PCTP: variants seen among roughly 807,000 people sequenced by gnomAD.
The protein encoded by PCTP is START domain-containing protein 2.
PCTP carries 27 observed loss-of-function variants against 31.0 expected under a neutral mutation model. That is an observed-to-expected ratio of 0.87 (90% CI 0.64 to 1.20). The LOEUF (loss-of-function observed/expected upper bound fraction) is 1.20, where lower values mean the gene tolerates loss of function less well. Among genes scored for constraint, PCTP ranks in the 50% most tolerant of loss-of-function variants. The probability of loss-of-function intolerance (pLI) is 0.00; values close to 1 mark genes in which losing one functional copy is unlikely to be tolerated. For synonymous variants in PCTP, 108 were observed against 101.2 expected (o/e 1.07, Z -0.40); for missense variants, 287 against 268.2 (o/e 1.07, Z -0.49).
intron 1 of PCTP, among the ~76,000 whole-genome samples, chr17:55,759,870 T>A (rs1910246499): frequency 6.6e-6 from 1 of 152,224 alleles, no homozygotes; most frequent in African/African-American, 2.4e-5. Context: ...TTGACACATC[T>A]CATATGTAAA....
chr17:55,846,137 A>T (rs532337512), downstream of PCTP, among the ~76,000 whole-genome samples: 78 of 152,186 alleles, frequency 5.1e-4, no homozygotes, highest in Non-Finnish European at 1.1e-3. Flanking sequence ...AATCTGTGAA[A>T]AAGTCCAACC....
intron 1 of PCTP, 152 bp downstream of exon 1, chr17:55,751,396 G>C: frequency 6.5e-7 from 1 of 1,534,244 alleles, no homozygotes; most frequent in African/African-American, 1.4e-5. Flanking sequence ...CTCAAGCTCT[G>C]GAGCTAGCGC....
At chr17:55,845,661 A>G (rs1437728777), downstream of PCTP, among the ~76,000 whole-genome samples, 1 of 151,990 alleles carries the variant, frequency 6.6e-6, no homozygotes, top group Non-Finnish European at 1.5e-5. Context: ...CAGCGCAGTC[A>G]GAGGCCTGTC....
chr17:55,839,357 G>C (rs1244934146), intron 5 of PCTP, among the ~76,000 whole-genome samples: 2 of 152,146 alleles, frequency 1.3e-5, no homozygotes, highest in African/African-American at 4.8e-5. Context: ...AAGTCAAATG[G>C]AAAGCTGACT....
At chr17:55,844,431 T>G (rs377662066), downstream of PCTP, among the ~76,000 whole-genome samples, 7 of 152,310 alleles carry the variant, frequency 4.6e-5, no homozygotes, top group East Asian at 1.2e-3. Context: ...CTCTTTTCAG[T>G]GCTTCTGATT....
At chr17:55,850,000 T>A in the PCTP span, among the ~76,000 whole-genome samples, 1 of 152,160 alleles carries the variant, frequency 6.6e-6, no homozygotes, top group Non-Finnish European at 1.5e-5. Context: ...TATAAACAGT[T>A]TAAATAAGAA....
downstream of PCTP, among the ~76,000 whole-genome samples, chr17:55,826,252 G>C (rs1165027642): frequency 6.6e-6 from 1 of 152,088 alleles, no homozygotes; most frequent in African/African-American, 2.4e-5. Context: ...TCCTCATGTG[G>C]CCTCCTCTGG....
chr17:55,775,816 G>A (rs1226260835), intron 5 of PCTP: 1 of 1,289,898 alleles, frequency 7.8e-7, no homozygotes, highest in Non-Finnish European at 9.8e-7. Context: ...TAACATATAA[G>A]GCCTTTTTGC....
At chr17:55,804,167 CCAT>C (rs1273990794) in intron 3 of PCTP, among the ~76,000 whole-genome samples, 1 of 152,070 alleles carries the variant, frequency 6.6e-6, no homozygotes, top group Non-Finnish European at 1.5e-5. Flanking sequence ...ATTATCAAAA[CCAT>C]CTCACTCCAG....
At chr17:55,768,606 C>G (rs1910815209) in intron 2 of PCTP, among the ~76,000 whole-genome samples, 1 of 152,138 alleles carries the variant, frequency 6.6e-6, no homozygotes, top group Non-Finnish European at 1.5e-5. Context: ...TCTACTACTA[C>G]TATTGTTAGT....
At chr17:55,760,771 G>T (rs1910300935) in intron 1 of PCTP, among the ~76,000 whole-genome samples, 1 of 152,112 alleles carries the variant, frequency 6.6e-6, no homozygotes, top group Non-Finnish European at 1.5e-5. Flanking sequence ...CCAGGCTTAG[G>T]GACTCAGGGG....
chr17:55,775,566 G>A lies in PCTP; in HGVS notation c.580-469G>A, dbSNP rs1400943987. The stretch of plus-strand genomic sequence containing the variant: ...AAAATGAAGATAGATGTCTTCTACT[G>A]CATAGAGGGGGAGTAAATAAGACAA... On this transcript the variant is annotated intron_variant, in intron 5 of 5. Transcript: ENST00000268896. 15 of 1,154,932 alleles carry A rather than the reference G, an allele frequency of 1.3e-5. No homozygotes were observed. The African/African-American group carries it at 2.4e-4, about 18-fold the overall frequency. 71.5% of individuals were successfully genotyped at this position (1,154,932 alleles called of 1,614,324 possible).
rs1422937031 is a variant in PCTP at position 55,776,332 on chromosome 17, C to T, written c.*232C>T. ...TCACTCGTCTGCTTCCTTTCTCGCT[C>T]CCCCCATCCTGGGCTGGGCTGCCTT... On this transcript the variant is annotated 3_prime_UTR_variant, in exon 6 of 6. Transcript: ENST00000268896. 3.7e-6 allele frequency: 5 copies of T among 1,356,550 alleles called. No homozygotes were observed. The highest frequency in any genetic ancestry group is 3.0e-5 in the African/African-American group (2 of 67,718). The allele number at this position is 1,356,550 out of a possible 1,614,324, so 84.0% of individuals were successfully genotyped here.
chr17:55,767,707 C>T (rs551197557), intron 2 of PCTP, among the ~76,000 whole-genome samples: 22 of 149,560 alleles, frequency 1.5e-4, no homozygotes, highest in Admixed American at 6.7e-5. Context: ...TCAGGTGATC[C>T]GCTTGCCTTG....
intron 5 of PCTP, among the ~76,000 whole-genome samples, chr17:55,831,631 C>T (rs556673324): frequency 8.5e-5 from 13 of 152,306 alleles, no homozygotes; most frequent in Admixed American, 8.5e-4. Flanking sequence ...CCAGGCATGC[C>T]TGTGGTGTAT....
At chr17:55,774,675 T>C in intron 4 of PCTP, 117 bp from the exon 5 acceptor site, 1 of 816,706 alleles carries the variant, frequency 1.2e-6, no homozygotes, top group Non-Finnish European at 2.1e-6. Flanking sequence ...AATTATATGC[T>C]ACCTCCCTCT....
chr17:55,762,694 T>C (rs1209918324), intron 1 of PCTP, among the ~76,000 whole-genome samples: 2 of 152,172 alleles, frequency 1.3e-5, no homozygotes, highest in African/African-American at 4.8e-5. Context: ...TGAGTCTTTC[T>C]ACTCTGTTTC....
chr17:55,809,927 A>C (rs1912694972), intron 3 of PCTP, among the ~76,000 whole-genome samples: 1 of 152,242 alleles, frequency 6.6e-6, no homozygotes, highest in Non-Finnish European at 1.5e-5. Context: ...CATTGAAAAC[A>C]AAACAGCAGA....
chr17:55,823,339 C>A (rs759446226), downstream of PCTP, among the ~76,000 whole-genome samples: 1 of 152,192 alleles, frequency 6.6e-6, no homozygotes, highest in Non-Finnish European at 1.5e-5. Flanking sequence ...TTACCATTGA[C>A]AGAATATTCT....
Sources: gnomAD v4.1 joint callset for allele counts (sites outside exome capture counted in the v4.1 genomes callset) on GRCh38, gnomAD v4.1.1 for gene constraint, MANE v1.5 for transcripts, NCBI Gene and HGNC (gene_info 2026-07-23, HGNC 2026-07-21) for gene names.